INTS10: variants seen among roughly 807,000 people sequenced by gnomAD.
INTS10 encodes the protein integrator complex subunit 10.
A neutral mutation model predicts 94.4 loss-of-function variants in INTS10; 44 were observed. The ratio of observed to expected loss-of-function variants is 0.47; its 90% CI spans 0.37 to 0.60. The LOEUF is 0.60. INTS10 is among the 20% of genes least tolerant of loss of function. INTS10 has a pLI of 0.00. For synonymous variants in INTS10, 341 were observed against 320.7 expected (o/e 1.06, Z -0.68); for missense variants, 797 against 868.7 (o/e 0.92, Z 1.04).
At chr8:19,830,272 CA>C (rs1349168405) in intron 9 of INTS10, 133 bp from the exon 10 acceptor site, 10 of 630,852 alleles carry the variant, frequency 1.6e-5, no homozygotes, top group African/African-American at 1.9e-5. Context: ...TTGTTAAATT[CA>C]AAAAAATTGT....
rs763907968 is a variant in INTS10 at position 19,823,295 on chromosome 8, C to T, written c.524-6C>T. 1 of 1,602,740 alleles carries T rather than the reference C, an allele frequency of 6.2e-7. No individual in the cohort carries two copies. Among genetic ancestry groups the T allele is most frequent in the Admixed American group, 1.7e-5 (1 of 59,304 alleles). On this transcript the variant is annotated splice_region_variant and splice_polypyrimidine_tract_variant and intron_variant, in intron 5 of 16. Transcript: ENST00000397977. The stretch of plus-strand genomic sequence containing the variant: ...TAATTTATTTCTTCTTTTTCTCCTC[C>T]AACAGTTTGTGATGTCCTTCCTCTA...
intron 4 of INTS10, 71 bp downstream of exon 4, chr8:19,820,589 G>GA: frequency 7.3e-7 from 1 of 1,374,370 alleles, no homozygotes; most frequent in South Asian, 1.5e-5. Flanking sequence ...TCGGTATGGT[G>GA]AGGAGCTACA....
chr8:19,851,791 C>G lies in INTS10; in HGVS notation c.2119C>G (p.Gln707Glu). The G allele has an allele frequency of 6.2e-7, 1 of 1,614,136 alleles. No homozygotes were observed. Among genetic ancestry groups the G allele is most frequent in the African/African-American group, 1.3e-5 (1 of 75,040 alleles). Residue 707 changes from glutamine (Q) to glutamate (E), a missense_variant, in exon 17 of 17, where the codon CAG (glutamine) becomes GAG (glutamate). This residue lies in a region of INTS10 where 47 missense variants were observed against 41.8 expected (regional missense o/e 1.12). Coordinates refer to ENST00000397977, the MANE Select transcript of INTS10 (RefSeq NM_018142.4). This position sits in a 1 kb window ranked among gnomAD's most constrained non-coding sequence, Gnocchi z 5.0. ...FCINEKILLL[Q>E]TLT is the part of the protein sequence containing the mutation. ...CATTAATGAGAAGATCTTGCTCCTT[C>G]AGACTCTGACCTGAGTGGAGACCTT...
At chr8:19,818,653 C>A in intron 2 of INTS10, 2 of 364,880 alleles carry the variant, frequency 5.5e-6, no homozygotes, top group Admixed American at 4.3e-5. Context: ...GAAAGTGCAT[C>A]CTAAACTGAA....
chr8:19,823,348 C>T lies in INTS10; in HGVS notation c.571C>T (p.Pro191Ser). 4.4e-6 allele frequency: 7 copies of T among 1,604,044 alleles called. No homozygotes were observed. The highest frequency in any genetic ancestry group is 6.0e-6 in the Non-Finnish European group (7 of 1,170,856). Residue 191 changes from proline to serine, a missense_variant, in exon 6 of 17, where the codon CCT becomes TCT. Around this residue, in one of 3 missense-constraint regions of INTS10, gnomAD observed 734 missense variants for 787.8 expected, o/e 0.93. Transcript: ENST00000397977. ...AATTAACAACCATGATGTTCGATTACCTGCCAATTTATTGTATAAGTACTT... is the reference window on the plus strand; with the variant it reads ...AATTAACAACCATGATGTTCGATTATCTGCCAATTTATTGTATAAGTACTT... Reference protein sequence around the residue: ...LIINNHDVRLPANLLYKYLNK... With the variant: ...LIINNHDVRLSANLLYKYLNK...
At chr8:19,826,811 T>C (rs1352330052) in intron 9 of INTS10, among the ~76,000 whole-genome samples, 1 of 152,170 alleles carries the variant, frequency 6.6e-6, no homozygotes, top group African/African-American at 2.4e-5. Context: ...CTGAGCACTT[T>C]ACAGTGTACA....
chr8:19,837,006 T>C (rs1283183549), intron 12 of INTS10, 46 bp from the exon 13 acceptor site: 1 of 1,235,044 alleles, frequency 8.1e-7, no homozygotes, highest in East Asian at 2.3e-5. Context: ...TTGATTTCAG[T>C]TCAGAAAGCT....
intron 13 of INTS10, among the ~76,000 whole-genome samples, chr8:19,840,395 G>T (rs1011993197): frequency 2.6e-5 from 4 of 152,164 alleles, no homozygotes; most frequent in South Asian, 2.1e-4. Flanking sequence ...CAAAATTACA[G>T]CAGACTTTAC....
rs748867290 is a variant in INTS10, at chr8:19,844,106, A to C, written c.1750A>C (p.Met584Leu). ...AGCTTTCACAGACAACAGAGACGACATGGCATTGGGGCATGTGATTGTGTT... is the reference window on the plus strand; with the variant it reads ...AGCTTTCACAGACAACAGAGACGACCTGGCATTGGGGCATGTGATTGTGTT... ...LRAFTDNRDD[M>L]ALGHVIVLLQ... The change falls in exon 15 of 17, where the codon ATG (methionine) becomes CTG (leucine). Residue 584 changes from methionine to leucine, a missense_variant. Physicochemically the swap from Met to Leu is conservative, Grantham distance 15 (BLOSUM62 2). Around this residue, in one of 3 missense-constraint regions of INTS10, gnomAD observed 734 missense variants for 787.8 expected, o/e 0.93. Coordinates refer to ENST00000397977, the MANE Select transcript of INTS10 (RefSeq NM_018142.4). 1.9e-6 allele frequency: 3 copies of C among 1,611,558 alleles called. No individual in the cohort carries two copies. The South Asian group carries it at 3.3e-5, about 18-fold the overall frequency.
Position 19,851,650 on chromosome 8 carries a change from C to T in INTS10, c.1978C>T (p.His660Tyr). ...CTGTTTCCCTATTGCTGACCTCAGG[C>T]ACCACACTGTAACTCGAGGCATCAC... is the stretch of plus-strand genomic sequence containing the variant. ...LLPNQGMLIK[H>Y]HTVTRGITKG... Residue 660 changes from histidine (H) to tyrosine (Y), a missense_variant and splice_region_variant, in exon 17 of 17, where the codon CAC (histidine) becomes TAC (tyrosine). By Grantham distance (83) the His-to-Tyr change is moderately conservative (BLOSUM62 2). Around this residue, in one of 3 missense-constraint regions of INTS10, gnomAD observed 16 missense variants for 39.1 expected, o/e 0.41. Coordinates refer to ENST00000397977, the MANE Select transcript of INTS10 (RefSeq NM_018142.4). This position sits in a 1 kb window ranked among gnomAD's most constrained non-coding sequence, Gnocchi z 5.0. The T allele has an allele frequency of 6.2e-7, 1 of 1,614,148 alleles. No individual in the cohort carries two copies. Among genetic ancestry groups the T allele is most frequent in the Non-Finnish European group, 8.5e-7 (1 of 1,179,980 alleles).
At chr8:19,820,580 C>G (rs966044065) in intron 4 of INTS10, 62 bp downstream of exon 4, 2 of 1,451,496 alleles carry the variant, frequency 1.4e-6, no homozygotes, top group African/African-American at 2.8e-5. Flanking sequence ...ACAGATTCAT[C>G]GGTATGGTGA....
chr8:19,828,722 GTTT>G (rs546461512), intron 9 of INTS10, among the ~76,000 whole-genome samples: 1 of 143,194 alleles, frequency 7.0e-6, no homozygotes. Flanking sequence ...TACGGTTGTG[GTTT>G]TTTTTTTTTT....
At chr8:19,818,125 C>T in intron 1 of INTS10, 150 bp from the exon 2 acceptor site, 1 of 754,340 alleles carries the variant, frequency 1.3e-6, no homozygotes, top group South Asian at 1.5e-5. Context: ...AGCCCAATGG[C>T]AAGTCTGCCA....
chr8:19,822,204 A>G (rs927574164), intron 4 of INTS10: 27 of 299,170 alleles, frequency 9.0e-5, no homozygotes, highest in Non-Finnish European at 9.2e-5. Flanking sequence ...AGAATTTGCT[A>G]ATTATGAAGA....
intron 12 of INTS10, among the ~76,000 whole-genome samples, chr8:19,835,213 A>C (rs2067556491): frequency 6.6e-6 from 1 of 152,128 alleles, no homozygotes; most frequent in Admixed American, 6.5e-5. Context: ...ACCCTAATCC[A>C]TGCCTTTTAA....
chr8:19,822,541 T>A (rs1409792928), intron 5 of INTS10, 21 bp downstream of exon 5: 2 of 1,386,038 alleles, frequency 1.4e-6, no homozygotes, highest in East Asian at 2.3e-5. Flanking sequence ...TTGTATTCTC[T>A]ATTACTTCTA....
intron 2 of INTS10, 84 bp downstream of exon 2, chr8:19,818,426 G>T: frequency 7.3e-7 from 1 of 1,378,588 alleles, no homozygotes; most frequent in Non-Finnish European, 1.0e-6. Flanking sequence ...GGGAGTTGGG[G>T]GAAGATCTTC....
rs911849536 is a variant in INTS10 at position 19,851,364 on chromosome 8, C to T, written c.1977-285C>T. On this transcript the variant is annotated intron_variant, in intron 16 of 16. Coordinates refer to ENST00000397977, the MANE Select transcript of INTS10 (RefSeq NM_018142.4). The surrounding 1 kb of genome is among the most constrained non-coding windows in gnomAD (Gnocchi z 5.0). ...AGTCAGCAGTAGGGATGCATAACAC[C>T]AGAGCTTCATTGATTCAAAGGCAAA... 2.0e-5 allele frequency among the ~76,000 whole-genome samples: 3 copies of T among 152,144 alleles called. No homozygotes were observed. Among genetic ancestry groups the T allele is most frequent in the Non-Finnish European group, 2.9e-5 (2 of 68,022 alleles).
rs1590053592 is a variant in INTS10, at chr8:19,844,001, A to G, written c.1720-75A>G. On this transcript the variant is annotated intron_variant, in intron 14 of 16. Transcript: ENST00000397977. ...TTGCATATACAGCATATTTTTGGAA[A>G]GTGATGTTTGCTGTATTTCAGATTA... 29 of 1,204,994 alleles carry G rather than the reference A, an allele frequency of 2.4e-5. No individual in the cohort carries two copies. In the East Asian group the frequency reaches 6.6e-4, roughly 27 times the overall value. The allele number at this position is 1,204,994 out of a possible 1,614,324, so 74.6% of individuals were successfully genotyped here.
Sources: gnomAD v4.1 joint callset for allele counts (sites outside exome capture counted in the v4.1 genomes callset) on GRCh38, gnomAD v4.1.1 for gene constraint, gnomAD v4.1.1 regional missense constraint, Gnocchi (gnomAD v3.1) non-coding constraint, MANE v1.5 for transcripts, NCBI Gene and HGNC (gene_info 2026-07-23, HGNC 2026-07-21) for gene names.